Variants in MAN2B1 observed in about 807,000 individuals in gnomAD.
MAN2B1 encodes the protein mannosidase alpha class 2B member 1, also known as lysosomal alpha-mannosidase.
A neutral mutation model predicts 127.5 loss-of-function variants in MAN2B1; 99 were observed. The ratio of observed to expected loss-of-function variants is 0.78; its 90% CI spans 0.66 to 0.92. The LOEUF is 0.92. Among genes scored for constraint, MAN2B1 ranks in the 40% least tolerant of loss-of-function variants. The pLI is 0.00. For missense variants in MAN2B1, 1,304 were observed against 1,384.8 expected, an observed-to-expected ratio of 0.94 and a Z score of 0.93; for synonymous variants, 573 against 568.8, an observed-to-expected ratio of 1.01 and a Z score of -0.11.
At position 12,649,225 on chromosome 19, in the gene MAN2B1, T is replaced by G; in HGVS notation, c.2356-9A>C. On this transcript the variant is annotated splice_polypyrimidine_tract_variant and intron_variant, in intron 19 of 23. Transcript: ENST00000456935. ...AGCTGCATGTTTCCATCCTGGGAGT[T>G]GAAGGGTGAAAGTAGAGGGCAGTCA... 6.2e-7 allele frequency: 1 copy of G among 1,613,418 alleles called. No individual in the cohort carries two copies. The highest frequency in any genetic ancestry group is 8.5e-7 in the Non-Finnish European group (1 of 1,179,776).
Position 12,658,362 on chromosome 19 carries a change from T to G in MAN2B1, c.1110-18A>C. The G allele has an allele frequency of 6.2e-7, 1 of 1,614,188 alleles. No individual in the cohort carries two copies. Among genetic ancestry groups the G allele is most frequent in the Non-Finnish European group, 8.5e-7 (1 of 1,180,040 alleles). On this transcript the variant is annotated intron_variant, in intron 8 of 23. Coordinates refer to ENST00000456935, the MANE Select transcript of MAN2B1 (RefSeq NM_000528.4). Reference sequence around the variant, plus strand: ...TCACTGACCTACAGCGGCAGGGGCATTGAGGGCAGGGTCATGACCCACGGG... The same window carrying G: ...TCACTGACCTACAGCGGCAGGGGCAGTGAGGGCAGGGTCATGACCCACGGG...
chr19:12,648,025 G>T lies in MAN2B1; in HGVS notation c.2664+150C>A, dbSNP rs2023736535. The T allele has an allele frequency of 3.7e-6, 3 of 806,644 alleles. No individual in the cohort carries two copies. In the African/African-American group the frequency reaches 5.1e-5, roughly 14 times the overall value. 50.0% of individuals were successfully genotyped at this position (806,644 alleles called of 1,614,324 possible). On this transcript the variant is annotated intron_variant, in intron 21 of 23. Coordinates refer to ENST00000456935, the MANE Select transcript of MAN2B1 (RefSeq NM_000528.4). ...GGTTGGGACTGGGCTGGCACTGGGC[G>T]GGGACTGCCCAGGGGATGGGGTTGG...
Position 12,646,614 on chromosome 19 carries a change from G to C in MAN2B1, c.*6C>G. On this transcript the variant is annotated 3_prime_UTR_variant, in exon 24 of 24. Transcript: ENST00000456935. ...GCTTGGGCTTGGAGGGCCCATCCCA[G>C]CAGACCTAACCATCCACCTCCTTCC... 6.2e-7 allele frequency: 1 copy of C among 1,604,056 alleles called. No individual in the cohort carries two copies. The highest frequency in any genetic ancestry group is 1.1e-5 in the South Asian group (1 of 90,870).
At chr19:12,649,038 G>A in intron 20 of MAN2B1, 98 bp downstream of exon 20, 3 of 975,424 alleles carry the variant, frequency 3.1e-6, no homozygotes, top group Non-Finnish European at 4.8e-6. Flanking sequence ...GCTTAGTGGG[G>A]CCTGAAAGCA....
Position 12,656,634 on chromosome 19 carries a change from C to T in MAN2B1, c.1581G>A (p.Arg527=), listed in dbSNP as rs149613968. Residue 527 remains arginine (R), a synonymous_variant, in exon 13 of 24, where the codon CGG becomes CGA. Transcript: ENST00000456935. ...CGAAAACGCCTTCGCTGACCGGCAG[C>T]CGTACCATCCAATTCACCTTCCGCC... is the stretch of plus-strand genomic sequence containing the variant. ...PLGRKVNWMV[R]LPVSEGVFVV... The T allele has an allele frequency of 4.4e-3, 7,123 of 1,614,014 alleles. 37 individuals carry two copies. The highest frequency in any genetic ancestry group is 4.5e-3 in the Non-Finnish European group (5,363 of 1,179,948).
chr19:12,663,415 C>T lies in MAN2B1; in HGVS notation c.811G>A (p.Val271Met). 4 of 1,614,090 alleles carry T rather than the reference C, an allele frequency of 2.5e-6. No homozygotes were observed. The highest frequency in any genetic ancestry group is 1.7e-4 in the Middle Eastern group (1 of 6,060). ...ACCAGCGGCTGATCGACACACAGCACATCCCAGCACAGATTCCTTGGCGGG... is the reference window on the plus strand; with the variant it reads ...ACCAGCGGCTGATCGACACACAGCATATCCCAGCACAGATTCCTTGGCGGG... ...YNPPRNLCWD[V>M]LCVDQPLVED... Residue 271 changes from valine to methionine, a missense_variant, in exon 6 of 24, where the codon GTG becomes ATG. Physicochemically the swap from Val to Met is conservative, Grantham distance 21 (BLOSUM62 1). Coordinates refer to ENST00000456935, the MANE Select transcript of MAN2B1 (RefSeq NM_000528.4).
intron 7 of MAN2B1, among the ~76,000 whole-genome samples, chr19:12,659,297 C>CAT (rs765026295): frequency 8.8e-6 from 1 of 113,934 alleles, no homozygotes; most frequent in African/African-American, 3.5e-5. Context: ...GCTCAATAAA[C>CAT]TTTTTTTTTT....
chr19:12,648,514 G>T, intron 20 of MAN2B1, 112 bp from the exon 21 acceptor site: 1 of 792,278 alleles, frequency 1.3e-6, no homozygotes, highest in Non-Finnish European at 2.1e-6. Context: ...AGGGTGGGAG[G>T]AACGGATGAG....
intron 21 of MAN2B1, 80 bp downstream of exon 21, chr19:12,648,095 G>A (rs1036034732): frequency 2.2e-6 from 3 of 1,368,172 alleles, no homozygotes; most frequent in South Asian, 1.2e-5. Flanking sequence ...TCCCCGCTGA[G>A]CCTAGGAAAC....
chr19:12,661,416 G>A (rs745661390), intron 6 of MAN2B1, 40 bp from the exon 7 acceptor site: 6 of 1,313,464 alleles, frequency 4.6e-6, no homozygotes, highest in African/African-American at 1.5e-5. Context: ...GAGGATCCTG[G>A]GCCATCCCTG....
At chr19:12,657,111 C>A in intron 11 of MAN2B1, 55 bp from the exon 12 acceptor site, 1 of 1,064,258 alleles carries the variant, frequency 9.4e-7, no homozygotes, top group Non-Finnish European at 1.4e-6. Flanking sequence ...CTGACTCCTC[C>A]CCTCTCCTCA....
At position 12,661,285 on chromosome 19, in the gene MAN2B1, T is replaced by G. The variant is rs1355484842; in HGVS notation, c.1001A>C (p.Lys334Thr). Reference sequence around the variant, plus strand: ...CTGCGCATTTACCAGCCGGATGAGCTTGTCAAGGTTCTTGAACCACATGTT... The same window carrying G: ...CTGCGCATTTACCAGCCGGATGAGCGTGTCAAGGTTCTTGAACCACATGTT... ...NANMWFKNLD[K>T]LIRLVNAQQA... Residue 334 changes from lysine (K) to threonine (T), a missense_variant, in exon 7 of 24, where the codon AAG becomes ACG. Transcript: ENST00000456935. The G allele has an allele frequency of 6.2e-7, 1 of 1,613,888 alleles. No homozygotes were observed. The highest frequency in any genetic ancestry group is 2.2e-5 in the East Asian group (1 of 44,876).
At chr19:12,654,012 C>T (rs2023902614) in intron 14 of MAN2B1, among the ~76,000 whole-genome samples, 1 of 151,932 alleles carries the variant, frequency 6.6e-6, no homozygotes, top group Non-Finnish European at 1.5e-5. Context: ...AGCCAACGTG[C>T]CCACCCCAGC....
rs1364903290 is a variant in MAN2B1, at chr19:12,647,668, A to G, written c.2665-70T>C. 4.3e-6 allele frequency: 6 copies of G among 1,388,054 alleles called. No individual in the cohort carries two copies. The African/African-American group carries it at 4.3e-5, about 10-fold the overall frequency. 86.0% of individuals were successfully genotyped at this position (1,388,054 alleles called of 1,614,324 possible). A position where few individuals can be genotyped will look rare whatever the true frequency, so the allele number is the denominator to read the frequency against. Reference sequence around the variant, plus strand: ...GGATGGAGAAGGGCGGGGCCGAGCCAGGTCAGGAGGCAGGGCTAGGTTGTA... The same window carrying G: ...GGATGGAGAAGGGCGGGGCCGAGCCGGGTCAGGAGGCAGGGCTAGGTTGTA... On this transcript the variant is annotated intron_variant, in intron 21 of 23. Coordinates refer to ENST00000456935, the MANE Select transcript of MAN2B1 (RefSeq NM_000528.4). The surrounding 1 kb of genome is among the most constrained non-coding windows in gnomAD (Gnocchi z 4.9).
rs757209261 is a variant in MAN2B1, at chr19:12,658,402, C to A, written c.1109+26G>T. ...TGACCCACGGGGCATGCCAACCCCC[C>A]CAAGCTCCCCAGTTTCCCCAAATAC... On this transcript the variant is annotated intron_variant, in intron 8 of 23. Transcript: ENST00000456935. 5.0e-6 allele frequency: 8 copies of A among 1,614,228 alleles called. No individual in the cohort carries two copies. In the South Asian group the frequency reaches 6.6e-5, roughly 13 times the overall value.
intron 4 of MAN2B1, among the ~76,000 whole-genome samples, 181 bp from the exon 5 acceptor site, chr19:12,664,016 C>T (rs1193518194): frequency 6.6e-6 from 1 of 152,096 alleles, no homozygotes; most frequent in African/African-American, 2.4e-5. Flanking sequence ...TCACTTAAAC[C>T]CAGGAGTTTT....
chr19:12,666,511 C>T, intron 1 of MAN2B1, 32 bp downstream of exon 1: 1 of 1,564,154 alleles, frequency 6.4e-7, no homozygotes, highest in Non-Finnish European at 8.7e-7. Flanking sequence ...CACTCTGCCT[C>T]CTGTACGTTT....
chr19:12,663,954 G>A, intron 4 of MAN2B1, 119 bp from the exon 5 acceptor site: 1 of 1,338,050 alleles, frequency 7.5e-7, no homozygotes, highest in Non-Finnish European at 1.1e-6. Context: ...CTAGGTCGAT[G>A]TGGTGGCTCT....
intron 13 of MAN2B1, 184 bp downstream of exon 13, chr19:12,656,387 C>T (rs2023958331): frequency 1.7e-6 from 1 of 579,818 alleles, no homozygotes; most frequent in Non-Finnish European, 3.1e-6. Flanking sequence ...GGACCACTCA[C>T]AGGAGGCATA....
Sources: allele counts gnomAD v4.1 joint callset (sites outside exome capture counted in the v4.1 genomes callset), GRCh38; gene constraint gnomAD v4.1.1; non-coding constraint Gnocchi (gnomAD v3.1); transcripts MANE v1.5; gene names NCBI Gene and HGNC (gene_info 2026-07-23, HGNC 2026-07-21).